The following PCNX2 variants were observed in gnomAD, a reference collection of about 807,000 sequenced individuals.
PCNX2 encodes the protein pecanex-like protein 2.
In PCNX2, 168 loss-of-function variants were observed where a neutral mutation model predicts 223.8. The ratio of observed to expected loss-of-function variants is 0.75; its 90% CI spans 0.66 to 0.85. The LOEUF (loss-of-function observed/expected upper bound fraction) is 0.85, where lower values mean the gene tolerates loss of function less well. PCNX2 is among the 40% of genes least tolerant of loss of function. The probability of loss-of-function intolerance (pLI) is 0.00; values close to 1 mark genes in which losing one functional copy is unlikely to be tolerated. For missense variants in PCNX2, 2,507 were observed against 2,675.5 expected (o/e 0.94, Z 1.39); for synonymous variants, 1,006 against 1,052.6 (o/e 0.96, Z 0.86).
chr1:233,272,128 A>G (rs1660667589), intron 1 of PCNX2, among the ~76,000 whole-genome samples: 1 of 152,212 alleles, frequency 6.6e-6, no homozygotes, highest in Admixed American at 6.5e-5. Context: ...AACAAAAGCA[A>G]TTGTAAATAA....
At chr1:233,011,101 G>A in intron 28 of PCNX2, among the ~76,000 whole-genome samples, 1 of 152,120 alleles carries the variant, frequency 6.6e-6, no homozygotes, top group East Asian at 1.9e-4. Context: ...TAGCACATAT[G>A]CAAACACACA....
chr1:233,289,511 C>T, intron 1 of PCNX2: 1 of 715,928 alleles, frequency 1.4e-6, no homozygotes, highest in Non-Finnish European at 2.5e-6. Flanking sequence ...GCCTTTTAAG[C>T]AACTCCATGC....
intron 7 of PCNX2, 49 bp from the exon 8 acceptor site, chr1:233,250,881 T>C (rs576969360): frequency 1.3e-6 from 2 of 1,515,398 alleles, no homozygotes; most frequent in Non-Finnish European, 1.8e-6. Context: ...ATTATTCATA[T>C]AGAATCGTTT....
chr1:233,034,259 T>C (rs1293390681), intron 25 of PCNX2, among the ~76,000 whole-genome samples: 7 of 151,844 alleles, frequency 4.6e-5, no homozygotes, highest in African/African-American at 1.7e-4. Flanking sequence ...TGGGAGGTGA[T>C]TGGGTTATGA....
chr1:233,087,748 C>T (rs569436419), intron 23 of PCNX2, among the ~76,000 whole-genome samples: 2 of 152,230 alleles, frequency 1.3e-5, no homozygotes, highest in East Asian at 3.9e-4. Context: ...CTTCAGCAGA[C>T]TGGGTTTTGC....
upstream of PCNX2, among the ~76,000 whole-genome samples, chr1:233,297,963 G>C (rs1237953619): frequency 6.6e-6 from 1 of 152,174 alleles, no homozygotes; most frequent in African/African-American, 2.4e-5. Context: ...TGACTATACT[G>C]TAAAACTAAT....
chr1:233,241,085 A>G, intron 8 of PCNX2: 1 of 784,560 alleles, frequency 1.3e-6, no homozygotes, highest in African/African-American at 1.9e-5. Context: ...AACATGTTCA[A>G]CATGTAGGAT....
Position 232,986,353 on chromosome 1 carries a change from G to T in PCNX2, c.5979C>A (p.Ser1993=). The change falls in exon 33 of 34, where the codon TCC becomes TCA. Residue 1993 remains serine (S), a synonymous_variant. Coordinates refer to ENST00000258229, the MANE Select transcript of PCNX2 (RefSeq NM_014801.4). ...SRLSLHASAT[S]LHSQPPPVTT... The stretch of plus-strand genomic sequence containing the variant: ...TGACGGGCGGGGGCTGAGAGTGCAG[G>T]GACGTGGCCGAGGCGTGCAAGGAGA... 6.2e-7 allele frequency: 1 copy of T among 1,600,598 alleles called. No homozygotes were observed. The highest frequency in any genetic ancestry group is 1.7e-5 in the Admixed American group (1 of 58,354).
At chr1:233,235,969 TATATATATATATATATAA>T (rs1558376611) in intron 9 of PCNX2, among the ~76,000 whole-genome samples, 20 of 140,940 alleles carry the variant, frequency 1.4e-4, no homozygotes, top group African/African-American at 5.1e-4. Flanking sequence ...TATATATATA[TATATATATATATATATAA>T]TTATATTATT....
intron 19 of PCNX2, among the ~76,000 whole-genome samples, chr1:233,140,907 C>T (rs1203467788): frequency 6.6e-6 from 1 of 152,134 alleles, no homozygotes; most frequent in East Asian, 1.9e-4. Context: ...GCAGTGGGCC[C>T]CCACCTACCA....
intron 21 of PCNX2, among the ~76,000 whole-genome samples, chr1:233,115,971 C>G (rs544714948): frequency 1.3e-5 from 2 of 151,860 alleles, no homozygotes; most frequent in Non-Finnish European, 2.9e-5. Context: ...CAAATATCAA[C>G]CAAAAACAGG....
intron 9 of PCNX2, among the ~76,000 whole-genome samples, chr1:233,228,486 A>G (rs1450804822): frequency 6.6e-6 from 1 of 151,588 alleles, no homozygotes; most frequent in African/African-American, 2.4e-5. Flanking sequence ...TGAAACCCCA[A>G]CTCCCCATTT....
intron 9 of PCNX2, among the ~76,000 whole-genome samples, chr1:233,229,828 T>A (rs1300934056): frequency 6.6e-6 from 1 of 151,348 alleles, no homozygotes; most frequent in Non-Finnish European, 1.5e-5. Context: ...CAAAAATTAA[T>A]GAAAAAAAGA....
chr1:233,151,750 C>G (rs574513513), intron 19 of PCNX2, among the ~76,000 whole-genome samples: 1 of 152,354 alleles, frequency 6.6e-6, no homozygotes, highest in South Asian at 2.1e-4. Flanking sequence ...TCTCTGCTCA[C>G]TGCAACCTCC....
chr1:233,096,821 T>G (rs1478321094), intron 21 of PCNX2, among the ~76,000 whole-genome samples: 1 of 152,224 alleles, frequency 6.6e-6, no homozygotes, highest in Non-Finnish European at 1.5e-5. Flanking sequence ...GGGCAAGGGT[T>G]GGGCAATGGG....
chr1:233,155,718 T>A (rs372777355), intron 19 of PCNX2, among the ~76,000 whole-genome samples: 3 of 152,244 alleles, frequency 2.0e-5, no homozygotes, highest in East Asian at 3.9e-4. Context: ...CTTTTTGAAA[T>A]AATTCCTTTG....
rs1669989911 is a variant in PCNX2 at position 232,999,336 on chromosome 1, T to C, written c.5372A>G (p.Gln1791Arg). The C allele has an allele frequency of 1.2e-6, 2 of 1,601,202 alleles. No homozygotes were observed. Among genetic ancestry groups the C allele is most frequent in the Admixed American group, 1.7e-5 (1 of 58,088 alleles). ...CVRGLWAGQQ[Q>R]ELIFLRNRNP... ...GCGGTTGCGAAGAAATATAAGCTCC[T>C]GCTGCTGCCCGGCCCAAAGTCCTCG... is the stretch of plus-strand genomic sequence containing the variant. Residue 1791 changes from glutamine to arginine, a missense_variant, in exon 31 of 34, where the codon CAG (glutamine) becomes CGG (arginine). Gln to Arg is a conservative substitution (Grantham distance 43). Transcript: ENST00000258229.
chr1:233,281,703 G>C (rs1661200098), intron 1 of PCNX2, among the ~76,000 whole-genome samples: 1 of 152,182 alleles, frequency 6.6e-6, no homozygotes, highest in South Asian at 2.1e-4. Flanking sequence ...AATTCCAAGA[G>C]TAATGTCTCT....
chr1:233,100,635 T>C (rs1674436010), intron 21 of PCNX2, among the ~76,000 whole-genome samples: 1 of 152,164 alleles, frequency 6.6e-6, no homozygotes, highest in South Asian at 2.1e-4. Context: ...AACTTTTCTT[T>C]GCTAATACAC....
Sources: gnomAD v4.1 joint callset for allele counts (sites outside exome capture counted in the v4.1 genomes callset) on GRCh38, gnomAD v4.1.1 for gene constraint, MANE v1.5 for transcripts, NCBI Gene and HGNC (gene_info 2026-07-23, HGNC 2026-07-21) for gene names.